Variants in ZXDC observed in about 807,000 individuals in gnomAD.
ZXDC encodes zinc finger protein ZXDC.
In ZXDC, 58 loss-of-function variants were observed where a neutral mutation model predicts 63.6. The ratio of observed to expected loss-of-function variants is 0.91; its 90% CI spans 0.74 to 1.13. ZXDC has a LOEUF of 1.13. Among genes scored for constraint, ZXDC ranks in the 50% most tolerant of loss-of-function variants. ZXDC has a pLI of 0.00. For synonymous variants in ZXDC, 561 were observed against 496.1 expected (o/e 1.13, Z -1.74); for missense variants, 1,133 against 1,148.9 (o/e 0.99, Z 0.20).
At chr3:126,470,336 AT>A (rs1424922000) in intron 4 of ZXDC, among the ~76,000 whole-genome samples, 2 of 152,180 alleles carry the variant, frequency 1.3e-5, no homozygotes, top group Non-Finnish European at 2.9e-5. Context: ...GCGTGGTGGC[AT>A]ACGCCTGTAG....
Position 126,439,718 on chromosome 3 carries a change from A to C in ZXDC, c.2404T>G (p.Ser802Ala). 1 of 1,551,254 alleles carries C rather than the reference A, an allele frequency of 6.4e-7. No homozygotes were observed. Among genetic ancestry groups the C allele is most frequent in the Non-Finnish European group, 8.7e-7 (1 of 1,147,000 alleles). Residue 802 changes from serine (S) to alanine (A), a missense_variant, in exon 9 of 10, where the codon TCC becomes GCC. Coordinates refer to ENST00000389709, the MANE Select transcript of ZXDC (RefSeq NM_025112.5). The part of the protein sequence containing the change: ...VQVQLVQDDP[S>A]GEGVLPSARG... ...GCCGAGGGCAGGACACCTTCGCCGG[A>C]GGGGTCATCCTGGGAAGGCAACACA...
At chr3:126,472,926 TCTC>T (rs747710252) in intron 1 of ZXDC, among the ~76,000 whole-genome samples, 3 of 152,086 alleles carry the variant, frequency 2.0e-5, no homozygotes, top group African/African-American at 7.2e-5. Context: ...CAGCAATACT[TCTC>T]CTCCGACAGA....
intron 7 of ZXDC, among the ~76,000 whole-genome samples, chr3:126,447,927 A>T (rs1933943372): frequency 6.6e-6 from 1 of 152,132 alleles, no homozygotes; most frequent in African/African-American, 2.4e-5. Context: ...CCTGCATACC[A>T]CGTGGCCAAC....
At chr3:126,448,872 G>A (rs1279895153) in intron 7 of ZXDC, among the ~76,000 whole-genome samples, 2 of 152,224 alleles carry the variant, frequency 1.3e-5, no homozygotes, top group Non-Finnish European at 2.9e-5. Context: ...GGCTGGAAGC[G>A]CTGAGAGGAG....
At chr3:126,444,336 T>C (rs1056644084) in intron 7 of ZXDC, among the ~76,000 whole-genome samples, 3 of 152,124 alleles carry the variant, frequency 2.0e-5, no homozygotes, top group East Asian at 3.9e-4. Flanking sequence ...ATCGAGACCA[T>C]CCTGGCTAAC....
At chr3:126,446,020 C>T (rs746953149) in intron 7 of ZXDC, among the ~76,000 whole-genome samples, 5 of 152,124 alleles carry the variant, frequency 3.3e-5, no homozygotes, top group East Asian at 1.9e-4. Context: ...TAGTAAAGGG[C>T]GCCATGGCAT....
chr3:126,451,585 C>T (rs1176696401), intron 7 of ZXDC: 16 of 985,442 alleles, frequency 1.6e-5, no homozygotes, highest in Non-Finnish European at 1.9e-5. Context: ...AGCACAAGGA[C>T]GCGCTGTGTG....
chr3:126,462,144 G>A lies in ZXDC; in HGVS notation c.1518C>T (p.Leu506=). The change falls in exon 6 of 10, where the codon CTC becomes CTT. Residue 506 remains leucine, a synonymous_variant. Transcript: ENST00000389709. Reference sequence around the variant, plus strand: ...AGAGTGCAGCAAGATCCATGTTAGTGAGCTCACTTTGGCCTGGGCTGCTGA... The same window carrying A: ...AGAGTGCAGCAAGATCCATGTTAGTAAGCTCACTTTGGCCTGGGCTGCTGA... ...SELSSPGQSE[L]TNMDLAALFS... 1.2e-6 allele frequency: 2 copies of A among 1,613,186 alleles called. No individual in the cohort carries two copies. Among genetic ancestry groups the A allele is most frequent in the East Asian group, 2.2e-5 (1 of 44,878 alleles).
At chr3:126,459,142 A>T (rs59285370) in intron 7 of ZXDC, 2 of 985,376 alleles carry the variant, frequency 2.0e-6, no homozygotes, top group African/African-American at 3.5e-5. Context: ...TTGAGGCCAT[A>T]GGTTACCAGC....
At position 126,475,812 on chromosome 3, in the gene ZXDC, G is replaced by A; in HGVS notation, c.54C>T (p.Gly18=). Reference sequence around the variant, plus strand: ...CTCGGCGGAGCGGGCCGGGGCCGCCGCCATGTTGCCCTCCGCGCGCAGTCG... The same window carrying A: ...CTCGGCGGAGCGGGCCGGGGCCGCCACCATGTTGCCCTCCGCGCGCAGTCG... ...PAPTARGGQH[G]GGPGPLRRAP... The change falls in exon 1 of 10, where the codon GGC becomes GGT. Residue 18 remains glycine (G), a synonymous_variant. Coordinates refer to ENST00000389709, the MANE Select transcript of ZXDC (RefSeq NM_025112.5). 1.8e-6 allele frequency: 2 copies of A among 1,086,822 alleles called. No homozygotes were observed. Among genetic ancestry groups the A allele is most frequent in the Non-Finnish European group, 1.1e-6 (1 of 896,466 alleles). The allele number at this position is 1,086,822 out of a possible 1,614,324, so 67.3% of individuals were successfully genotyped here.
intron 7 of ZXDC, chr3:126,450,411 C>T (rs1411737004): frequency 2.2e-6 from 1 of 456,644 alleles, no homozygotes. Context: ...TTAGAGGCCA[C>T]ATCTGCCCCA....
At chr3:126,439,794 C>T (rs1933609762) in intron 8 of ZXDC, 67 bp from the exon 9 acceptor site, 1 of 1,493,408 alleles carries the variant, frequency 6.7e-7, no homozygotes, top group Admixed American at 2.2e-5. Context: ...CTCGTCTCAC[C>T]TGAGAAGTCT....
At chr3:126,458,745 G>T in intron 7 of ZXDC, 1 of 985,332 alleles carries the variant, frequency 1.0e-6, no homozygotes, top group Non-Finnish European at 1.2e-6. Flanking sequence ...CTTGGTATAT[G>T]GTCAACTCTT....
intron 7 of ZXDC, chr3:126,457,211 G>A (rs1332602622): frequency 9.3e-6 from 9 of 965,072 alleles, no homozygotes; most frequent in Non-Finnish European, 1.1e-5. Context: ...GGCCACAGGG[G>A]ACTCTCAGCT....
At chr3:126,468,059 T>C (rs768600755) in intron 4 of ZXDC, among the ~76,000 whole-genome samples, 15 of 152,166 alleles carry the variant, frequency 9.9e-5, no homozygotes, top group Admixed American at 6.5e-5. Flanking sequence ...TGCCAGTATA[T>C]TGAGATCTGT....
At chr3:126,474,090 T>G (rs1799397) in intron 1 of ZXDC, among the ~76,000 whole-genome samples, 3 of 143,202 alleles carry the variant, frequency 2.1e-5, no homozygotes, top group Non-Finnish European at 3.0e-5. Flanking sequence ...TTTGAGACGG[T>G]GTCTCGCTCT....
rs749817159 is a variant in ZXDC, at chr3:126,459,652, C to T, written c.2212+1G>A. The T allele has an allele frequency of 1.2e-6, 2 of 1,614,212 alleles. No individual in the cohort carries two copies. The highest frequency in any genetic ancestry group is 1.7e-6 in the Non-Finnish European group (2 of 1,180,034). On this transcript the variant is annotated splice_donor_variant, in intron 7 of 9. Transcript: ENST00000389709. LOFTEE classifies it high-confidence loss of function. ...TCCGGCTGCAGCACACACGGCCTCA[C>T]CTGCATTGCTCCCCGCTCCTCTCTG... is the stretch of plus-strand genomic sequence containing the variant.
At chr3:126,464,155 C>CTTATAGAA in intron 5 of ZXDC, among the ~76,000 whole-genome samples, 2 of 152,322 alleles carry the variant, frequency 1.3e-5, no homozygotes, top group African/African-American at 4.8e-5. Context: ...AAATTTCTTA[C>CTTATAGAA]TTAGCACTTT....
chr3:126,441,939 TGAGGC>T lies in ZXDC; in HGVS notation c.2215_2219del (p.Ala739ThrfsTer60). On this transcript the variant is annotated frameshift_variant and splice_region_variant, in exon 8 of 10. Coordinates refer to ENST00000389709, the MANE Select transcript of ZXDC (RefSeq NM_025112.5). LOFTEE classifies it high-confidence loss of function. ...CTTTTATTTTTCTCTGAGTAGACTG[TGAGGC>T]TCCTAAAATGAAATATAAAAACGAG... is the stretch of plus-strand genomic sequence containing the variant. The T allele has an allele frequency of 6.3e-7, 1 of 1,597,366 alleles. No homozygotes were observed. The highest frequency in any genetic ancestry group is 1.1e-5 in the South Asian group (1 of 88,972).
Sources: allele counts gnomAD v4.1 joint callset (sites outside exome capture counted in the v4.1 genomes callset), GRCh38; gene constraint gnomAD v4.1.1; transcripts MANE v1.5; gene names NCBI Gene and HGNC (gene_info 2026-07-23, HGNC 2026-07-21).